RIMS2: variants seen among roughly 807,000 people sequenced by gnomAD.
RIMS2 encodes the protein regulating synaptic membrane exocytosis protein 2.
In RIMS2, 59 loss-of-function variants were observed where a neutral mutation model predicts 174.4. That is an observed-to-expected ratio of 0.34 (90% CI 0.27 to 0.42). The LOEUF (loss-of-function observed/expected upper bound fraction) is 0.42, where lower values mean the gene tolerates loss of function less well. RIMS2 is among the 10% of genes least tolerant of loss of function. The pLI is 1.00. For missense variants in RIMS2, 1,620 were observed against 1,666.3 expected, an observed-to-expected ratio of 0.97 and a Z score of 0.48; for synonymous variants, 606 against 572.5, an observed-to-expected ratio of 1.06 and a Z score of -0.84.
At chr8:103,823,237 T>A (rs1250549303) in intron 3 of RIMS2, among the ~76,000 whole-genome samples, 2 of 151,970 alleles carry the variant, frequency 1.3e-5, no homozygotes, top group Non-Finnish European at 2.9e-5. Context: ...AAAAACAGTC[T>A]TTCTCTCCGT....
intron 4 of RIMS2, among the ~76,000 whole-genome samples, chr8:103,899,916 C>T (rs1027525334): frequency 1.3e-5 from 2 of 151,688 alleles, no homozygotes; most frequent in African/African-American, 4.9e-5. Flanking sequence ...AGGAAGGGAT[C>T]CAGTTTCAGC....
At chr8:104,090,844 G>A (rs1377553740) in intron 19 of RIMS2, among the ~76,000 whole-genome samples, 11 of 151,638 alleles carry the variant, frequency 7.3e-5, no homozygotes, top group Admixed American at 6.6e-4. Context: ...AAATAATTAT[G>A]TTTTTGTAGC....
In RIMS2 at chr8:103,910,197, CTT is replaced by C; in HGVS notation, c.1690_1691del (p.Leu564AlafsTer9). The C allele has an allele frequency of 6.2e-7, 1 of 1,605,578 alleles. No homozygotes were observed. Among genetic ancestry groups the C allele is most frequent in the Non-Finnish European group, 8.5e-7 (1 of 1,174,274 alleles). ...CATAGCAGTGAGGCATCCCCAATGT[CTT>C]TGGTGAGACATGTGGAGCCTTACTA... is the stretch of plus-strand genomic sequence containing the variant. On this transcript the variant is annotated frameshift_variant and splice_region_variant, in exon 5 of 24. Coordinates refer to ENST00000504942, the Ensembl canonical transcript of RIMS2. LOFTEE classifies it high-confidence loss of function.
rs190552880 is a variant in RIMS2 at position 104,201,521 on chromosome 8, A to G, written c.3335-43395A>G. Among the ~76,000 whole-genome samples the G allele has an allele frequency of 2.1e-4, 32 of 152,328 alleles. 1 individual carries two copies. Among genetic ancestry groups the G allele is most frequent in the Admixed American group, 2.1e-3 (32 of 15,306 alleles). ...GCATCATAGATTTAAATGATATTGG[A>G]TTGAGACATTTTAGAAATGTAAGAT... On this transcript the variant is annotated intron_variant, in intron 19 of 23. Coordinates refer to ENST00000504942, the Ensembl canonical transcript of RIMS2.
At chr8:103,562,885 C>T (rs1006244325) in intron 1 of RIMS2, among the ~76,000 whole-genome samples, 1 of 152,196 alleles carries the variant, frequency 6.6e-6, no homozygotes, top group Non-Finnish European at 1.5e-5. Context: ...GCAGGCTCAA[C>T]ACCATGTGGA....
chr8:103,578,554 AAACAAC>A (rs374420643), intron 1 of RIMS2, among the ~76,000 whole-genome samples: 3 of 146,642 alleles, frequency 2.0e-5, no homozygotes, highest in African/African-American at 4.9e-5. Context: ...AAACAAAACA[AAACAAC>A]AACAACAACA....
chr8:104,146,787 A>C (rs939716823), intron 19 of RIMS2, among the ~76,000 whole-genome samples: 3 of 152,128 alleles, frequency 2.0e-5, no homozygotes, highest in Non-Finnish European at 4.4e-5. Flanking sequence ...TGCAATCTCA[A>C]CATCTCGGGC....
At chr8:103,553,702 T>G (rs1047357056) in intron 1 of RIMS2, among the ~76,000 whole-genome samples, 1 of 152,100 alleles carries the variant, frequency 6.6e-6, no homozygotes, top group Non-Finnish European at 1.5e-5. Flanking sequence ...AAAAAGACTA[T>G]TTTGAAATTC....
intron 19 of RIMS2, chr8:104,015,322 TGTGCTTTTG>T (rs1421010138): frequency 1.7e-6 from 1 of 595,666 alleles, no homozygotes; most frequent in Non-Finnish European, 3.0e-6. Context: ...TAATACATTC[TGTGCTTTTG>T]GAAATTTCTG....
chr8:104,125,158 C>G (rs1311895293), intron 19 of RIMS2, among the ~76,000 whole-genome samples: 1 of 152,102 alleles, frequency 6.6e-6, no homozygotes, highest in East Asian at 1.9e-4. Flanking sequence ...ATCTGGATGT[C>G]TAGACCATGT....
chr8:104,067,152 G>A (rs151199349), intron 19 of RIMS2, among the ~76,000 whole-genome samples: 78 of 151,952 alleles, frequency 5.1e-4, no homozygotes, highest in African/African-American at 1.7e-3. Flanking sequence ...TAATAGGCAC[G>A]CTTACGTCTA....
At chr8:104,055,777 A>G (rs2096858400) in intron 19 of RIMS2, among the ~76,000 whole-genome samples, 1 of 152,214 alleles carries the variant, frequency 6.6e-6, no homozygotes, top group African/African-American at 2.4e-5. Context: ...ACATAAGAGC[A>G]GTCTGGGACT....
At chr8:104,087,956 T>C (rs1166007994) in intron 19 of RIMS2, among the ~76,000 whole-genome samples, 1 of 152,088 alleles carries the variant, frequency 6.6e-6, no homozygotes, top group Non-Finnish European at 1.5e-5. Context: ...GAATATTGTT[T>C]ACAAGACTAA....
intron 1 of RIMS2, among the ~76,000 whole-genome samples, chr8:103,553,575 A>G (rs1308023901): frequency 6.6e-6 from 1 of 152,142 alleles, no homozygotes; most frequent in Admixed American, 6.6e-5. Context: ...GTGCTCATGT[A>G]CCTTAGAACT....
intron 2 of RIMS2, among the ~76,000 whole-genome samples, chr8:103,737,037 CTA>C: frequency 6.6e-6 from 1 of 152,120 alleles, no homozygotes; most frequent in South Asian, 2.1e-4. Flanking sequence ...AATGTATATT[CTA>C]TGACTTGTTT....
intron 1 of RIMS2, chr8:103,559,056 CTT>C (rs397952535): frequency 4.0e-5 from 4 of 99,052 alleles, no homozygotes; most frequent in South Asian, 3.2e-4. Context: ...TATTTTTTAA[CTT>C]TTTTTTTTTT....
At chr8:103,586,107 A>G (rs796880402) in intron 1 of RIMS2, among the ~76,000 whole-genome samples, 23 of 152,310 alleles carry the variant, frequency 1.5e-4, no homozygotes, top group African/African-American at 5.1e-4. Flanking sequence ...AGGAAATATT[A>G]TTAGAGCTAA....
intron 10 of RIMS2, among the ~76,000 whole-genome samples, chr8:103,923,272 T>TGTGC (rs1423135369): frequency 2.0e-5 from 3 of 151,908 alleles, no homozygotes; most frequent in Non-Finnish European, 4.4e-5. Flanking sequence ...TGTGTGTGTG[T>TGTGC]GTGCGTGCGT....
intron 1 of RIMS2, among the ~76,000 whole-genome samples, chr8:103,607,228 C>T (rs1327511153): frequency 1.3e-5 from 2 of 152,088 alleles, no homozygotes; most frequent in East Asian, 1.9e-4. Context: ...GTTTGCTTGT[C>T]TGTGAAGTAT....
Sources: allele counts gnomAD v4.1 joint callset (sites outside exome capture counted in the v4.1 genomes callset), GRCh38; gene constraint gnomAD v4.1.1; transcripts MANE v1.5; gene names NCBI Gene and HGNC (gene_info 2026-07-23, HGNC 2026-07-21).